The following APP variants were observed in gnomAD, a reference collection of about 807,000 sequenced individuals.
APP encodes the protein amyloid beta precursor protein, also known as amyloid-beta precursor protein.
APP carries 31 observed loss-of-function variants against 101.4 expected under a neutral mutation model. The ratio of observed to expected loss-of-function variants is 0.31; its 90% CI spans 0.23 to 0.41. The LOEUF (loss-of-function observed/expected upper bound fraction) is 0.41. APP is among the 10% of genes least tolerant of loss of function. The pLI, the probability that APP is intolerant of heterozygous loss-of-function variation, is 1.00. For missense variants in APP, 839 were observed against 1,003.7 expected (o/e 0.84, Z 2.22); for synonymous variants, 366 against 364.4 (o/e 1.00, Z -0.05).
At chr21:26,087,540 C>T (rs896933011) in intron 3 of APP, among the ~76,000 whole-genome samples, 3 of 152,288 alleles carry the variant, frequency 2.0e-5, no homozygotes, top group South Asian at 2.1e-4. Context: ...AGAATCTGTT[C>T]GGAGGATGAA....
intron 5 of APP, among the ~76,000 whole-genome samples, chr21:26,043,984 G>A (rs552084046): frequency 5.9e-5 from 9 of 152,102 alleles, no homozygotes; most frequent in South Asian, 2.1e-4. Context: ...TTTATCATCC[G>A]AAGAATTATT....
Position 26,140,139 on chromosome 21 carries a change from C to G in APP, c.58-27993G>C, listed in dbSNP as rs182009664. 75 of 1,501,896 alleles carry G rather than the reference C, an allele frequency of 5.0e-5. No individual in the cohort carries two copies. The East Asian group carries it at 1.8e-3, about 37-fold the overall frequency. 93.0% of individuals were successfully genotyped at this position (1,501,896 alleles called of 1,614,324 possible). A position where few individuals can be genotyped will look rare whatever the true frequency, so the allele number is the denominator to read the frequency against. On this transcript the variant is annotated intron_variant, in intron 1 of 17. Transcript: ENST00000346798. ...CAGACTAAAAACAATGCCAACTTCA[C>G]AGTACTCACTTACATAGTTGATAAA...
chr21:25,987,317 T>C (rs1458120103), intron 8 of APP, among the ~76,000 whole-genome samples: 6 of 152,188 alleles, frequency 3.9e-5, no homozygotes. Context: ...TGGCTAGGTA[T>C]GTTCCCCCCT....
chr21:25,968,897 T>A (rs9636775), intron 11 of APP, among the ~76,000 whole-genome samples: 4,146 of 152,228 alleles, frequency 0.027, 204 homozygotes, highest in East Asian at 0.13. Flanking sequence ...TCAAATACCA[T>A]TTACTGAATA....
At chr21:26,143,845 A>C (rs2063100384) in intron 1 of APP, among the ~76,000 whole-genome samples, 1 of 152,152 alleles carries the variant, frequency 6.6e-6, no homozygotes. Context: ...TTAAGGCCAT[A>C]AGTACCAGGG....
At chr21:25,932,740 A>G (rs1003967153) in intron 13 of APP, among the ~76,000 whole-genome samples, 30 of 152,296 alleles carry the variant, frequency 2.0e-4, no homozygotes, top group African/African-American at 7.2e-4. Context: ...TAAAAAAGAA[A>G]AAAAAAAACA....
chr21:25,966,457 T>G (rs2041800909), intron 11 of APP, among the ~76,000 whole-genome samples: 1 of 152,230 alleles, frequency 6.6e-6, no homozygotes, highest in South Asian at 2.1e-4. Context: ...ATGATCTTTT[T>G]GGCCTGGCAG....
intron 16 of APP, among the ~76,000 whole-genome samples, chr21:25,896,771 A>G (rs900515229): frequency 6.6e-6 from 1 of 152,214 alleles, no homozygotes; most frequent in African/African-American, 2.4e-5. Flanking sequence ...CTTTTGATGA[A>G]TAACACTATC....
At chr21:25,986,897 C>T (rs759937703) in intron 8 of APP, among the ~76,000 whole-genome samples, 4 of 152,132 alleles carry the variant, frequency 2.6e-5, no homozygotes, top group Non-Finnish European at 4.4e-5. Context: ...TATTTTATTG[C>T]GTAGAGGCAA....
intron 11 of APP, among the ~76,000 whole-genome samples, chr21:25,967,652 C>G (rs1165280159): frequency 6.6e-6 from 1 of 152,180 alleles, no homozygotes; most frequent in Non-Finnish European, 1.5e-5. Flanking sequence ...AGTCTAATTT[C>G]TCTTCAACAG....
chr21:25,892,789 T>C (rs1005671837), intron 16 of APP, among the ~76,000 whole-genome samples: 3 of 152,342 alleles, frequency 2.0e-5, no homozygotes, highest in East Asian at 3.9e-4. Context: ...AATGAAATTA[T>C]AGAAGCACAC....
intron 14 of APP, among the ~76,000 whole-genome samples, chr21:25,910,480 TAAAG>T (rs1037216062): frequency 2.4e-4 from 37 of 152,304 alleles, no homozygotes; most frequent in African/African-American, 6.7e-4. Flanking sequence ...GCTGCTTTGA[TAAAG>T]AAAATCAGGT....
intron 1 of APP, among the ~76,000 whole-genome samples, chr21:26,128,794 G>A (rs969346818): frequency 3.9e-5 from 6 of 152,182 alleles, no homozygotes; most frequent in East Asian, 1.9e-4. Context: ...GTATTTGACC[G>A]TGGGCCACTT....
chr21:26,166,300 C>G (rs1424164791), intron 1 of APP, among the ~76,000 whole-genome samples: 1 of 151,860 alleles, frequency 6.6e-6, no homozygotes, highest in African/African-American at 2.4e-5. Context: ...CCCCTGCCAC[C>G]TTCTGTCTTC....
chr21:25,920,527 A>G (rs2039578919), intron 13 of APP, among the ~76,000 whole-genome samples: 1 of 152,076 alleles, frequency 6.6e-6, no homozygotes, highest in South Asian at 2.1e-4. Flanking sequence ...AAAAGGATGG[A>G]GGAAGATCTA....
intron 3 of APP, among the ~76,000 whole-genome samples, chr21:26,082,637 T>TCG (rs1314323136): frequency 3.3e-5 from 5 of 152,232 alleles, no homozygotes; most frequent in African/African-American, 4.8e-5. Flanking sequence ...TGACCCTCTG[T>TCG]CTGAATACCT....
chr21:25,939,686 T>C (rs751945375), intron 13 of APP, among the ~76,000 whole-genome samples: 1 of 152,324 alleles, frequency 6.6e-6, no homozygotes, highest in Admixed American at 6.5e-5. Context: ...CTCATGATAC[T>C]GACATTGCCA....
chr21:26,046,770 ATGGACCAC>A (rs2045629268), intron 5 of APP, among the ~76,000 whole-genome samples: 1 of 152,158 alleles, frequency 6.6e-6, no homozygotes, highest in Non-Finnish European at 1.5e-5. Context: ...AGCAACCCCC[ATGGACCAC>A]TGGGTTCAAT....
intron 1 of APP, among the ~76,000 whole-genome samples, chr21:26,152,384 G>C (rs1356203469): frequency 6.6e-6 from 1 of 150,598 alleles, no homozygotes; most frequent in African/African-American, 2.5e-5. Flanking sequence ...AAAAGCACAA[G>C]TCCACAACTA....
Sources: allele counts gnomAD v4.1 joint callset (sites outside exome capture counted in the v4.1 genomes callset), GRCh38; gene constraint gnomAD v4.1.1; transcripts MANE v1.5; gene names NCBI Gene and HGNC (gene_info 2026-07-23, HGNC 2026-07-21).